The following MINDY4 variants were observed in gnomAD, a reference collection of about 807,000 sequenced individuals.
MINDY4 encodes the protein probable ubiquitin carboxyl-terminal hydrolase MINDY-4.
In MINDY4, 68 loss-of-function variants were observed where a neutral mutation model predicts 87.0. That is an observed-to-expected ratio of 0.78 (90% CI 0.64 to 0.96). MINDY4 has a LOEUF of 0.96. Among genes scored for constraint, MINDY4 ranks in the 40% least tolerant of loss-of-function variants. The pLI is 0.00. For synonymous variants in MINDY4, 379 were observed against 363.2 expected (o/e 1.04, Z -0.50); for missense variants, 919 against 928.2 (o/e 0.99, Z 0.13).
chr7:30,872,183 G>A, intron 13 of MINDY4, 60 bp from the exon 14 acceptor site: 1 of 1,534,520 alleles, frequency 6.5e-7, no homozygotes, highest in Non-Finnish European at 9.0e-7. Context: ...TGGTCACCTA[G>A]CGAGGTTTGC....
At chr7:30,824,287 T>C (rs1333422779) in intron 5 of MINDY4, among the ~76,000 whole-genome samples, 1 of 152,132 alleles carries the variant, frequency 6.6e-6, no homozygotes, top group African/African-American at 2.4e-5. Context: ...TTCCTCTTCT[T>C]AGAAAGCCAC....
chr7:30,891,895 G>A (rs1790804384), intron 17 of MINDY4, 62 bp from the exon 18 acceptor site: 1 of 1,538,684 alleles, frequency 6.5e-7, no homozygotes, highest in African/African-American at 1.4e-5. Flanking sequence ...GCAAGAGATG[G>A]GCTCTCATCT....
At chr7:30,820,931 C>T (rs1788311438) in intron 5 of MINDY4, among the ~76,000 whole-genome samples, 2 of 152,174 alleles carry the variant, frequency 1.3e-5, no homozygotes, top group African/African-American at 4.8e-5. Flanking sequence ...CACAGTGGCA[C>T]TTACTTGTGA....
At chr7:30,879,960 G>A (rs952929006) in intron 15 of MINDY4, among the ~76,000 whole-genome samples, 2 of 152,186 alleles carry the variant, frequency 1.3e-5, no homozygotes, top group African/African-American at 4.8e-5. Context: ...GCGAATCTGA[G>A]GGCATCCTGG....
chr7:30,784,872 A>G (rs1787111656), intron 3 of MINDY4, among the ~76,000 whole-genome samples: 1 of 152,174 alleles, frequency 6.6e-6, no homozygotes, highest in Admixed American at 6.5e-5. Flanking sequence ...AGTGCCTGGT[A>G]AGCAGCTTGG....
intron 9 of MINDY4, among the ~76,000 whole-genome samples, chr7:30,847,569 G>A (rs1278159343): frequency 6.6e-6 from 1 of 152,062 alleles, no homozygotes; most frequent in Non-Finnish European, 1.5e-5. Context: ...GTAAATCACT[G>A]TGTCTCCATG....
chr7:30,823,347 G>A (rs943053224), intron 5 of MINDY4, among the ~76,000 whole-genome samples: 3 of 152,184 alleles, frequency 2.0e-5, no homozygotes, highest in African/African-American at 7.2e-5. Flanking sequence ...TTACATTGGA[G>A]TGTGTAAAAT....
intron 3 of MINDY4, among the ~76,000 whole-genome samples, chr7:30,785,026 C>G (rs919684149): frequency 4.0e-5 from 6 of 151,750 alleles, no homozygotes; most frequent in Non-Finnish European, 5.9e-5. Context: ...CGTGGGCTCT[C>G]TCTTGTTCTT....
chr7:30,793,105 T>A (rs1787373393), intron 5 of MINDY4, among the ~76,000 whole-genome samples: 1 of 147,836 alleles, frequency 6.8e-6, no homozygotes, highest in African/African-American at 2.4e-5. Context: ...ATTTCATACA[T>A]TTAGGGTTTT....
intron 5 of MINDY4, among the ~76,000 whole-genome samples, chr7:30,809,282 C>T (rs1054164711): frequency 2.0e-5 from 3 of 148,856 alleles, no homozygotes; most frequent in Admixed American, 6.8e-5. Context: ...CAATCTGTAG[C>T]GGCAACTGCT....
intron 5 of MINDY4, among the ~76,000 whole-genome samples, chr7:30,826,483 G>C (rs1788508052): frequency 6.6e-6 from 1 of 152,196 alleles, no homozygotes; most frequent in Non-Finnish European, 1.5e-5. Flanking sequence ...GATGGAATGA[G>C]CAGCTTATGA....
At position 30,778,552 on chromosome 7, in the gene MINDY4, G is replaced by GT. The variant is rs1562527853; in HGVS notation, c.183+2dup. ...TGAATTTCTCTATAAGGAGAACAAG[G>GT]TATGTGCTTTCTAAGGTGTGGTGTG... On this transcript the variant is annotated splice_donor_variant, in intron 2 of 17. Coordinates refer to ENST00000265299, the MANE Select transcript of MINDY4 (RefSeq NM_032222.3). LOFTEE classifies it high-confidence loss of function. The GT allele has an allele frequency of 1.2e-6, 2 of 1,614,158 alleles. No homozygotes were observed. Among genetic ancestry groups the GT allele is most frequent in the Non-Finnish European group, 1.7e-6 (2 of 1,179,996 alleles).
At chr7:30,850,306 G>A in intron 9 of MINDY4, 148 bp from the exon 10 acceptor site, 1 of 699,732 alleles carries the variant, frequency 1.4e-6, no homozygotes, top group African/African-American at 1.8e-5. Context: ...CTTTGCCTTG[G>A]GGCTCCTGGG....
intron 6 of MINDY4, 83 bp downstream of exon 6, chr7:30,828,820 G>A (rs1237040199): frequency 3.0e-5 from 43 of 1,434,276 alleles, no homozygotes; most frequent in Non-Finnish European, 3.9e-5. Context: ...TGGGTGGTCG[G>A]GGGCCCCTTT....
intron 5 of MINDY4, among the ~76,000 whole-genome samples, chr7:30,798,262 T>C (rs1272390835): frequency 1.3e-5 from 2 of 152,248 alleles, no homozygotes; most frequent in Middle Eastern, 3.2e-3. Flanking sequence ...TATAATCTTA[T>C]GGAACCACTG....
At position 30,791,501 on chromosome 7, in the gene MINDY4, G is replaced by A. The variant is rs368335229; in HGVS notation, c.1000G>A (p.Gly334Ser). Reference protein sequence around the residue: ...RMPLKLYLPGGNSRMTQERLE... With the variant: ...RMPLKLYLPGSNSRMTQERLE... ...GCCCTTGAAGCTCTACTTGCCTGGT[G>A]GTAATTCCAGGATGACCCAGGAGAG... Residue 334 changes from glycine to serine, a missense_variant, in exon 5 of 18, where the codon GGT becomes AGT. Coordinates refer to ENST00000265299, the MANE Select transcript of MINDY4 (RefSeq NM_032222.3). 7.4e-6 allele frequency: 12 copies of A among 1,613,948 alleles called. No homozygotes were observed. The highest frequency in any genetic ancestry group is 6.7e-5 in the Admixed American group (4 of 60,018).
intron 6 of MINDY4, among the ~76,000 whole-genome samples, chr7:30,834,669 A>G (rs1249860282): frequency 6.6e-6 from 1 of 152,190 alleles, no homozygotes; most frequent in Non-Finnish European, 1.5e-5. Flanking sequence ...TTCTGTTGCT[A>G]GTTTTCTGAG....
Position 30,892,267 on chromosome 7 carries a change from T to A in MINDY4, c.*262T>A. The A allele has an allele frequency of 2.1e-6, 1 of 481,128 alleles. No homozygotes were observed. Among genetic ancestry groups the A allele is most frequent in the South Asian group, 3.2e-5 (1 of 31,496 alleles). 29.8% of individuals were successfully genotyped at this position (481,128 alleles called of 1,614,324 possible). ...GGAGGTTGCCAGGGTCTCTGCTACC[T>A]TTGTCTGCATCCCTCCCTTGCTCCC... is the stretch of plus-strand genomic sequence containing the variant. On this transcript the variant is annotated 3_prime_UTR_variant, in exon 18 of 18. Transcript: ENST00000265299.
chr7:30,793,602 G>C (rs535828414), intron 5 of MINDY4, among the ~76,000 whole-genome samples: 1 of 152,060 alleles, frequency 6.6e-6, no homozygotes, highest in South Asian at 2.1e-4. Context: ...TGTATTTTTT[G>C]TAGAGACGGG....
Sources: gnomAD v4.1 joint callset for allele counts (sites outside exome capture counted in the v4.1 genomes callset) on GRCh38, gnomAD v4.1.1 for gene constraint, MANE v1.5 for transcripts, NCBI Gene and HGNC (gene_info 2026-07-23, HGNC 2026-07-21) for gene names.